Variants in ABTB2 observed in about 807,000 individuals in gnomAD.
The protein encoded by ABTB2 is ankyrin repeat and BTB/POZ domain-containing protein 2.
A neutral mutation model predicts 104.1 loss-of-function variants in ABTB2; 56 were observed. The ratio of observed to expected loss-of-function variants is 0.54; its 90% CI spans 0.43 to 0.67. The LOEUF (loss-of-function observed/expected upper bound fraction) is 0.67, where lower values mean the gene tolerates loss of function less well. Among genes scored for constraint, ABTB2 ranks in the 30% least tolerant of loss-of-function variants. The probability of loss-of-function intolerance (pLI) is 0.00; values close to 1 mark genes in which losing one functional copy is unlikely to be tolerated. For synonymous variants in ABTB2, 606 were observed against 608.2 expected (o/e 1.00, Z 0.05); for missense variants, 1,279 against 1,407.7 (o/e 0.91, Z 1.46).
intron 1 of ABTB2, among the ~76,000 whole-genome samples, chr11:34,333,253 C>CCATGAGGG (rs1430209261): frequency 6.6e-6 from 1 of 152,102 alleles, no homozygotes; most frequent in African/African-American, 2.4e-5. Flanking sequence ...CAAGGAATGG[C>CCATGAGGG]CATGAGGGTG....
intron 3 of ABTB2, among the ~76,000 whole-genome samples, chr11:34,195,075 C>CGGT (rs1554982289): frequency 5.5e-5 from 1 of 18,066 alleles, no homozygotes. Flanking sequence ...AGATGCCCGG[C>CGGT]GGGGGGGGGG....
intron 1 of ABTB2, among the ~76,000 whole-genome samples, chr11:34,355,454 A>G (rs1360999511): frequency 3.3e-5 from 5 of 152,204 alleles, no homozygotes; most frequent in Admixed American, 6.5e-5. Context: ...TATCTGTAAA[A>G]TGGGCATCAT....
intron 3 of ABTB2, among the ~76,000 whole-genome samples, chr11:34,191,282 G>A (rs7124025): frequency 0.068 from 10,345 of 152,240 alleles, 450 homozygotes; most frequent in Non-Finnish European, 0.1. Flanking sequence ...GAGAAAAAAA[G>A]CCCCAGGTGT....
rs533345500 is a variant in ABTB2, at chr11:34,151,518, C to A, written c.*869G>T. ...GAGACTTGACCAGGGGACTCTGCTT[C>A]ATCGCCCCCACAAAGGCAACCTAGT... is the stretch of plus-strand genomic sequence containing the variant. On this transcript the variant is annotated 3_prime_UTR_variant, in exon 17 of 17. Transcript: ENST00000435224. 11 of 152,408 alleles carry A rather than the reference C, an allele frequency of 7.2e-5. No homozygotes were observed. Among genetic ancestry groups the A allele is most frequent in the African/African-American group, 2.6e-4 (11 of 41,586 alleles). The allele number at this position is 152,408 out of a possible 1,614,324, so 9.4% of individuals were successfully genotyped here.
intron 1 of ABTB2, among the ~76,000 whole-genome samples, chr11:34,225,463 A>G (rs943324558): frequency 6.6e-6 from 1 of 152,206 alleles, no homozygotes; most frequent in African/African-American, 2.4e-5. Flanking sequence ...TTCCCTTAAA[A>G]AGAAAGAGCT....
intron 1 of ABTB2, among the ~76,000 whole-genome samples, chr11:34,218,552 TA>T: frequency 6.6e-6 from 1 of 152,290 alleles, no homozygotes; most frequent in African/African-American, 2.4e-5. Flanking sequence ...CACCATTTGT[TA>T]AAAAGGCTAT....
At chr11:34,335,398 T>C in intron 1 of ABTB2, 1 of 818,384 alleles carries the variant, frequency 1.2e-6, no homozygotes, top group Non-Finnish European at 2.2e-6. Flanking sequence ...TTGATGAACT[T>C]TTCTAAGAGC....
intron 1 of ABTB2, among the ~76,000 whole-genome samples, chr11:34,347,860 G>A (rs1014606921): frequency 2.0e-5 from 3 of 152,014 alleles, no homozygotes; most frequent in East Asian, 3.9e-4. Context: ...GTCGAATATC[G>A]TATACATCAG....
intron 1 of ABTB2, among the ~76,000 whole-genome samples, chr11:34,213,054 C>A (rs952166470): frequency 3.9e-5 from 6 of 152,192 alleles, no homozygotes; most frequent in Non-Finnish European, 7.3e-5. Context: ...ATCCTTTGGG[C>A]CTGCTGGGGG....
At chr11:34,289,826 A>C (rs1231974071) in intron 1 of ABTB2, among the ~76,000 whole-genome samples, 1 of 152,178 alleles carries the variant, frequency 6.6e-6, no homozygotes, top group Non-Finnish European at 1.5e-5. Flanking sequence ...AGAGATGATA[A>C]AAACACACCC....
chr11:34,204,823 C>T, intron 1 of ABTB2, 133 bp from the exon 2 acceptor site: 3 of 1,067,644 alleles, frequency 2.8e-6, no homozygotes, highest in Non-Finnish European at 3.9e-6. Context: ...TAAAATCTCT[C>T]TGAGCCTTGA....
At chr11:34,155,816 T>G (rs1852617637) in intron 14 of ABTB2, among the ~76,000 whole-genome samples, 1 of 152,218 alleles carries the variant, frequency 6.6e-6, no homozygotes, top group Non-Finnish European at 1.5e-5. Context: ...TGCTGGAGCC[T>G]GGGTGGTGAG....
Position 34,152,446 on chromosome 11 carries a change from C to G in ABTB2, c.3019G>C (p.Asp1007His), listed in dbSNP as rs764914019. The change falls in exon 17 of 17, where the codon GAC becomes CAC. Residue 1007 changes from aspartate (D) to histidine (H), a missense_variant. Physicochemically the swap from Asp to His is moderately conservative, Grantham distance 81 (BLOSUM62 -1). Coordinates refer to ENST00000435224, the MANE Select transcript of ABTB2 (RefSeq NM_145804.3). The part of the protein sequence containing the change: ...SKVQGLDPLQ[D>H]LQNTLAERVH... ...CGCTCTGCCAGGGTGTTCTGCAGGT[C>G]CTGCAGTGGATCCAGGCCCTGCACT... 2 of 1,598,784 alleles carry G rather than the reference C, an allele frequency of 1.3e-6. No individual in the cohort carries two copies. Among genetic ancestry groups the G allele is most frequent in the South Asian group, 1.1e-5 (1 of 88,384 alleles).
At chr11:34,164,409 G>A (rs4756110) in intron 9 of ABTB2, among the ~76,000 whole-genome samples, 114,399 of 152,228 alleles carry the variant, frequency 0.75, 45,740 homozygotes, top group East Asian at 0.99. Flanking sequence ...CAGCTGCAGA[G>A]TGGCATCTCA....
intron 1 of ABTB2, among the ~76,000 whole-genome samples, chr11:34,308,895 G>GAAA (rs1193542363): frequency 5.9e-5 from 7 of 118,046 alleles, no homozygotes; most frequent in Admixed American, 4.4e-4. Flanking sequence ...AAAGAAAAGA[G>GAAA]AAAGAAAGAA....
At chr11:34,247,294 G>A (rs1853997295) in intron 1 of ABTB2, among the ~76,000 whole-genome samples, 1 of 152,202 alleles carries the variant, frequency 6.6e-6, no homozygotes, top group South Asian at 2.1e-4. Context: ...GAGGAATGCT[G>A]GAGACAGCTG....
rs564222349 is a variant in ABTB2, at chr11:34,343,275, C to T, written c.883+13426G>A. Reference sequence around the variant, plus strand: ...TGGCTGTGAAATGAAGGAAAGTCACCATCCTAGGTGGGGCGAAAAGACATA... The same window carrying T: ...TGGCTGTGAAATGAAGGAAAGTCACTATCCTAGGTGGGGCGAAAAGACATA... On this transcript the variant is annotated intron_variant, in intron 1 of 16. Transcript: ENST00000435224. Among the ~76,000 whole-genome samples the T allele has an allele frequency of 1.1e-3, 170 of 152,248 alleles. 1 individual carries two copies. Among genetic ancestry groups the T allele is most frequent in the African/African-American group, 3.3e-3 (136 of 41,530 alleles).
At chr11:34,355,688 C>T (rs1019161339) in intron 1 of ABTB2, among the ~76,000 whole-genome samples, 2 of 152,206 alleles carry the variant, frequency 1.3e-5, no homozygotes, top group African/African-American at 4.8e-5. Flanking sequence ...GCCTTCCAAT[C>T]AGATCGTAAG....
chr11:34,186,683 T>C (rs1853104780), intron 3 of ABTB2, among the ~76,000 whole-genome samples: 1 of 152,194 alleles, frequency 6.6e-6, no homozygotes, highest in Admixed American at 6.5e-5. Flanking sequence ...TGGGGGGTGC[T>C]TGTCAGAGGC....
Sources: gnomAD v4.1 joint callset for allele counts (sites outside exome capture counted in the v4.1 genomes callset) on GRCh38, gnomAD v4.1.1 for gene constraint, MANE v1.5 for transcripts, NCBI Gene and HGNC (gene_info 2026-07-23, HGNC 2026-07-21) for gene names.